ADGRF1: variants seen among roughly 807,000 people sequenced by gnomAD.
ADGRF1 encodes the protein adhesion G protein-coupled receptor F1, also known as G protein-coupled receptor 110.
A neutral mutation model predicts 87.2 loss-of-function variants in ADGRF1; 85 were observed. The ratio of observed to expected loss-of-function variants is 0.97; its 90% CI spans 0.82 to 1.17. ADGRF1 has a LOEUF of 1.17. Among genes scored for constraint, ADGRF1 ranks in the 50% most tolerant of loss-of-function variants. ADGRF1 has a pLI of 0.00. For synonymous variants in ADGRF1, 430 were observed against 408.8 expected (o/e 1.05, Z -0.63); for missense variants, 1,169 against 1,077.2 (o/e 1.09, Z -1.19).
intron 13 of ADGRF1, among the ~76,000 whole-genome samples, chr6:47,005,163 T>G (rs1218130313): frequency 6.6e-6 from 1 of 152,166 alleles, no homozygotes; most frequent in Non-Finnish European, 1.5e-5. Context: ...GTCTAAATAA[T>G]ATTGAAAACA....
At chr6:47,021,128 C>T (rs927443212) in intron 6 of ADGRF1, among the ~76,000 whole-genome samples, 1 of 152,092 alleles carries the variant, frequency 6.6e-6, no homozygotes, top group Non-Finnish European at 1.5e-5. Flanking sequence ...TTATGAAAAA[C>T]AAGCCATTAA....
chr6:47,038,514 T>C (rs1780655028), intron 1 of ADGRF1, among the ~76,000 whole-genome samples: 1 of 152,236 alleles, frequency 6.6e-6, no homozygotes, highest in Non-Finnish European at 1.5e-5. Context: ...GATGTTTTGA[T>C]ATATGTGATA....
At chr6:47,014,660 T>C in intron 9 of ADGRF1, 21 bp downstream of exon 9, 1 of 1,611,152 alleles carries the variant, frequency 6.2e-7, no homozygotes, top group Non-Finnish European at 8.5e-7. Context: ...AGGGCAAGTC[T>C]ACACAGTGAA....
intron 8 of ADGRF1, among the ~76,000 whole-genome samples, chr6:47,015,216 C>A (rs770868026): frequency 6.6e-6 from 1 of 152,210 alleles, no homozygotes; most frequent in Admixed American, 6.5e-5. Context: ...TTTCCAGACA[C>A]TATAGAATAA....
intron 7 of ADGRF1, chr6:47,020,214 C>A: frequency 8.0e-7 from 1 of 1,250,232 alleles, no homozygotes; most frequent in African/African-American, 1.6e-5. Flanking sequence ...AGGTCCTAGG[C>A]CAGATGTGGT....
intron 9 of ADGRF1, chr6:47,014,377 A>T (rs905684576): frequency 4.7e-6 from 5 of 1,062,438 alleles, no homozygotes; most frequent in Non-Finnish European, 5.7e-6. Context: ...TTCTGAGGCC[A>T]GCTTAGTTGC....
Position 46,997,726 on chromosome 6 carries a change from TA to T in ADGRF1, c.*2495del, listed in dbSNP as rs1332172616. On this transcript the variant is annotated 3_prime_UTR_variant, in exon 15 of 15. Transcript: ENST00000371253. ...AATGCTATTCACTTTTTCATTATTT[TA>T]TTGTTGTTTTAGTAGCATTTTGAGG... 7 of 152,240 alleles carry T rather than the reference TA, an allele frequency of 4.6e-5. No individual in the cohort carries two copies. The highest frequency in any genetic ancestry group is 1.7e-4 in the African/African-American group (7 of 41,462). 9.4% of individuals were successfully genotyped at this position (152,240 alleles called of 1,614,324 possible). A position where few individuals can be genotyped will look rare whatever the true frequency, so the allele number is the denominator to read the frequency against.
chr6:47,008,090 A>G (rs1414059855), intron 11 of ADGRF1, among the ~76,000 whole-genome samples: 1 of 152,230 alleles, frequency 6.6e-6, no homozygotes, highest in Non-Finnish European at 1.5e-5. Flanking sequence ...AGATGAGAGA[A>G]TTGAGAGACA....
intron 1 of ADGRF1, among the ~76,000 whole-genome samples, chr6:47,031,316 GTCTC>G (rs1162690766): frequency 2.1e-5 from 2 of 94,228 alleles, no homozygotes; most frequent in Admixed American, 9.9e-5. Context: ...CTGTCTCTCT[GTCTC>G]TCTCTCTCTC....
intron 8 of ADGRF1, among the ~76,000 whole-genome samples, chr6:47,015,469 G>A: frequency 6.6e-6 from 1 of 151,978 alleles, no homozygotes; most frequent in Middle Eastern, 3.4e-3. Context: ...GGAGTGCAGT[G>A]GTGCAATCTT....
In ADGRF1 at chr6:47,026,009, G is replaced by C; in HGVS notation, c.128-6C>G. 6.4e-7 allele frequency: 1 copy of C among 1,558,104 alleles called. No homozygotes were observed. The highest frequency in any genetic ancestry group is 2.3e-5 in the East Asian group (1 of 43,850). On this transcript the variant is annotated splice_polypyrimidine_tract_variant and splice_region_variant and intron_variant, in intron 3 of 14. Transcript: ENST00000371253. ...CTGATATTCTTCGACTGGGCCTAAA[G>C]AGAGAAAGAGAGTCAGAAACCTTTT...
chr6:47,009,923 A>G lies in ADGRF1; in HGVS notation c.1512T>C (p.Pro504=). Residue 504 remains proline (P), a synonymous_variant, in exon 11 of 15, where the codon CCT becomes CCC. Transcript: ENST00000371253. The part of the protein sequence containing the change: ...SKNGNAQVNG[P]VISTVIQNYS... ...AGTTTTGAATAACCGTGGATATCAC[A>G]GGTCCATTGACCTGAGCATTTCCAT... 2 of 1,614,182 alleles carry G rather than the reference A, an allele frequency of 1.2e-6. No homozygotes were observed. Among genetic ancestry groups the G allele is most frequent in the Non-Finnish European group, 1.7e-6 (2 of 1,179,990 alleles).
chr6:47,014,397 A>G, intron 9 of ADGRF1: 1 of 1,098,800 alleles, frequency 9.1e-7, no homozygotes, highest in East Asian at 6.1e-5. Flanking sequence ...CTGCTCTACC[A>G]TCCATCATAG....
At position 47,000,174 on chromosome 6, in the gene ADGRF1, A is replaced by G; in HGVS notation, c.*48T>C. ...TTTCTTCATTGACATTTGTCTCTAA[A>G]TGTCAAGTTGTTCTGGAAATTTTTT... is the stretch of plus-strand genomic sequence containing the variant. On this transcript the variant is annotated 3_prime_UTR_variant, in exon 15 of 15. Coordinates refer to ENST00000371253, the MANE Select transcript of ADGRF1 (RefSeq NM_153840.4). The G allele has an allele frequency of 7.3e-7, 1 of 1,370,376 alleles. No homozygotes were observed. 84.9% of individuals were successfully genotyped at this position (1,370,376 alleles called of 1,614,324 possible).
intron 1 of ADGRF1, among the ~76,000 whole-genome samples, chr6:47,032,450 TTG>T (rs1364759797): frequency 1.3e-5 from 2 of 152,256 alleles, no homozygotes; most frequent in Non-Finnish European, 2.9e-5. Flanking sequence ...CTAAAATTAT[TTG>T]TGTCTTATCT....
At chr6:47,025,663 G>A (rs1320546418) in intron 4 of ADGRF1, among the ~76,000 whole-genome samples, 191 bp downstream of exon 4, 2 of 152,146 alleles carry the variant, frequency 1.3e-5, no homozygotes, top group Non-Finnish European at 2.9e-5. Flanking sequence ...ACATCACTGG[G>A]TACTGGTGGC....
intron 1 of ADGRF1, among the ~76,000 whole-genome samples, chr6:47,031,988 T>A (rs1780444423): frequency 6.6e-6 from 1 of 152,138 alleles, no homozygotes; most frequent in Admixed American, 6.5e-5. Context: ...ACTACAGGCA[T>A]CAGCCACCAT....
chr6:47,013,689 C>A (rs930762568), intron 9 of ADGRF1: 2 of 979,838 alleles, frequency 2.0e-6, no homozygotes, highest in Non-Finnish European at 2.4e-6. Flanking sequence ...TGTGTCCCCA[C>A]CCAAATCTTA....
At chr6:47,021,858 G>C in intron 6 of ADGRF1, 100 bp downstream of exon 6, 1 of 668,296 alleles carries the variant, frequency 1.5e-6, no homozygotes, top group South Asian at 1.8e-5. Context: ...CACTGAAAAC[G>C]AATAATTAAG....
Sources: allele counts gnomAD v4.1 joint callset (sites outside exome capture counted in the v4.1 genomes callset), GRCh38; gene constraint gnomAD v4.1.1; transcripts MANE v1.5; gene names NCBI Gene and HGNC (gene_info 2026-07-23, HGNC 2026-07-21).